Variants in SNTB2 observed in about 807,000 individuals in gnomAD.
The protein encoded by SNTB2 is beta-2-syntrophin.
SNTB2 carries 34 observed loss-of-function variants against 46.2 expected under a neutral mutation model. The ratio of observed to expected loss-of-function variants is 0.74; its 90% CI spans 0.56 to 0.98. The LOEUF is 0.98. SNTB2 is among the 50% of genes least tolerant of loss of function. SNTB2 has a pLI of 0.00. For missense variants in SNTB2, 603 were observed against 731.4 expected (o/e 0.82, Z 2.02); for synonymous variants, 290 against 312.6 (o/e 0.93, Z 0.76).
At chr16:69,293,328 A>G (rs890088123) in intron 5 of SNTB2, among the ~76,000 whole-genome samples, 1 of 152,204 alleles carries the variant, frequency 6.6e-6, no homozygotes, top group Non-Finnish European at 1.5e-5. Flanking sequence ...ATTAGGACAC[A>G]GTAAAAACCT....
intron 3 of SNTB2, among the ~76,000 whole-genome samples, chr16:69,269,317 G>A (rs559183979): frequency 6.6e-6 from 1 of 151,752 alleles, no homozygotes; most frequent in African/African-American, 2.4e-5. Flanking sequence ...AGGAGATCGA[G>A]ACCATCCCGG....
At chr16:69,187,805 CA>C in intron 1 of SNTB2, 59 bp downstream of exon 1, 1 of 1,294,562 alleles carries the variant, frequency 7.7e-7, no homozygotes, top group South Asian at 1.7e-5. Flanking sequence ...CGCGGGAGCT[CA>C]CTTTGTTCCT....
chr16:69,226,375 A>G (rs1964460634), intron 1 of SNTB2, among the ~76,000 whole-genome samples: 1 of 150,652 alleles, frequency 6.6e-6, no homozygotes, highest in Non-Finnish European at 1.5e-5. Flanking sequence ...CCACCCTATG[A>G]TTCTTAAGAG....
chr16:69,252,127 C>T (rs1964733165), intron 2 of SNTB2, among the ~76,000 whole-genome samples: 1 of 152,160 alleles, frequency 6.6e-6, no homozygotes, highest in Non-Finnish European at 1.5e-5. Flanking sequence ...AAAGCCTTCA[C>T]TTTCTAAACC....
chr16:69,237,598 TC>T (rs1964570135), intron 1 of SNTB2, among the ~76,000 whole-genome samples: 1 of 128,002 alleles, frequency 7.8e-6, no homozygotes, highest in African/African-American at 3.4e-5. Flanking sequence ...TTTCTTTCTT[TC>T]TTTCTTTTTT....
chr16:69,302,532 A>G lies in SNTB2; in HGVS notation c.*1608A>G, dbSNP rs1279100164. ...GGCAGGCACAGGGGGAGAAAAGAAG[A>G]GAAAAACACACCTGTGTGCAAAATG... On this transcript the variant is annotated 3_prime_UTR_variant, in exon 7 of 7. Coordinates refer to ENST00000336278, the MANE Select transcript of SNTB2 (RefSeq NM_006750.4). 1 of 152,266 alleles carries G rather than the reference A, an allele frequency of 6.6e-6. No homozygotes were observed. Among genetic ancestry groups the G allele is most frequent in the African/African-American group, 2.4e-5 (1 of 41,444 alleles). The allele number at this position is 152,266 out of a possible 1,614,324, so 9.4% of individuals were successfully genotyped here.
At chr16:69,288,461 C>T (rs976975463) in intron 5 of SNTB2, among the ~76,000 whole-genome samples, 2 of 152,064 alleles carry the variant, frequency 1.3e-5, no homozygotes, top group African/African-American at 2.4e-5. Flanking sequence ...ATCAACTTCC[C>T]TTTAAAGCCA....
intron 4 of SNTB2, among the ~76,000 whole-genome samples, chr16:69,277,048 G>A (rs1161299877): frequency 1.3e-5 from 2 of 152,206 alleles, no homozygotes; most frequent in African/African-American, 4.8e-5. Flanking sequence ...AAAAGCACAT[G>A]TGTGATTGAA....
At chr16:69,231,095 A>G (rs904272418) in intron 1 of SNTB2, 1 of 152,186 alleles carries the variant, frequency 6.6e-6, no homozygotes, top group Non-Finnish European at 1.5e-5. Flanking sequence ...GCTTAGTGAA[A>G]ATGAAATTAA....
intron 5 of SNTB2, among the ~76,000 whole-genome samples, chr16:69,293,154 G>A (rs1231518202): frequency 6.6e-6 from 1 of 152,132 alleles, no homozygotes; most frequent in Non-Finnish European, 1.5e-5. Flanking sequence ...AAGAGTGAAA[G>A]AGAGAGGGCC....
intron 3 of SNTB2, among the ~76,000 whole-genome samples, chr16:69,266,800 TC>T (rs1964890268): frequency 1.3e-5 from 2 of 152,208 alleles, no homozygotes; most frequent in East Asian, 3.9e-4. Context: ...CACTGCAACT[TC>T]CACCTTCTGG....
rs1311335049 is a variant in SNTB2 at position 69,235,689 on chromosome 16, A to G, written c.581-9913A>G. The G allele has an allele frequency of 7.1e-6, 9 of 1,259,402 alleles. No homozygotes were observed. In the East Asian group the frequency reaches 5.2e-4, roughly 73 times the overall value. The allele number at this position is 1,259,402 out of a possible 1,614,324, so 78.0% of individuals were successfully genotyped here. ...CCCTGGCACCAATATGACAGCTTCA[A>G]ACTGCTGTATCCCCAGGGCTAACAA... On this transcript the variant is annotated intron_variant, in intron 1 of 6. Coordinates refer to ENST00000336278, the MANE Select transcript of SNTB2 (RefSeq NM_006750.4).
intron 2 of SNTB2, among the ~76,000 whole-genome samples, chr16:69,249,023 CT>C (rs34530998): frequency 0.22 from 27,205 of 125,724 alleles, 2,656 homozygotes; most frequent in African/African-American, 0.34. Context: ...TCATTTCTTT[CT>C]TTTTTTTTTT....
At chr16:69,277,780 T>A (rs1311813646) in intron 4 of SNTB2, among the ~76,000 whole-genome samples, 1 of 152,238 alleles carries the variant, frequency 6.6e-6, no homozygotes, top group Admixed American at 6.5e-5. Context: ...ACCAAATTTT[T>A]AAAAATCCTG....
chr16:69,204,436 T>C (rs1964194929), intron 1 of SNTB2, among the ~76,000 whole-genome samples: 1 of 152,184 alleles, frequency 6.6e-6, no homozygotes, highest in Admixed American at 6.5e-5. Context: ...AAGAAAAACA[T>C]GTTGAGACAG....
intron 1 of SNTB2, among the ~76,000 whole-genome samples, chr16:69,221,621 C>G (rs1964405847): frequency 6.6e-6 from 1 of 152,064 alleles, no homozygotes; most frequent in Non-Finnish European, 1.5e-5. Flanking sequence ...CCTAAAAATA[C>G]AAAAATTAGC....
rs1597182929 is a variant in SNTB2 at position 69,238,427 on chromosome 16, C to CAT, written c.581-7173_581-7172dup. Among the ~76,000 whole-genome samples the CAT allele has an allele frequency of 2.0e-5, 3 of 152,180 alleles. No homozygotes were observed. In the East Asian group the frequency reaches 5.8e-4, roughly 29 times the overall value. On this transcript the variant is annotated intron_variant, in intron 1 of 6. Transcript: ENST00000336278. ...TTTCCCTGCACTCTGCCCACATCTTCATAAGTTGTCCCTTTATTAAATCCC... is the reference window on the plus strand; with the variant it reads ...TTTCCCTGCACTCTGCCCACATCTTCATATAAGTTGTCCCTTTATTAAATCCC...
At chr16:69,220,307 G>A (rs1418767987) in intron 1 of SNTB2, among the ~76,000 whole-genome samples, 5 of 150,514 alleles carry the variant, frequency 3.3e-5, no homozygotes, top group South Asian at 4.2e-4. Context: ...GACTACAGGC[G>A]CCCGCCACCA....
chr16:69,284,241 C>T lies in SNTB2; in HGVS notation c.1342C>T (p.Leu448=). The part of the protein sequence containing the change: ...AAAELIKEVS[L]GCMLNGQEVR... ...TGCTGAGCTGATCAAGGAAGTCTCT[C>T]TAGGTAGAGATGCTGACTTTTTATT... The change falls in exon 5 of 7, where the codon CTA becomes TTA. Residue 448 remains leucine, a synonymous_variant. Coordinates refer to ENST00000336278, the MANE Select transcript of SNTB2 (RefSeq NM_006750.4). 6.2e-7 allele frequency: 1 copy of T among 1,602,466 alleles called. No homozygotes were observed. Among genetic ancestry groups the T allele is most frequent in the Non-Finnish European group, 8.5e-7 (1 of 1,173,508 alleles).
Sources: allele counts gnomAD v4.1 joint callset (sites outside exome capture counted in the v4.1 genomes callset), GRCh38; gene constraint gnomAD v4.1.1; transcripts MANE v1.5; gene names NCBI Gene and HGNC (gene_info 2026-07-23, HGNC 2026-07-21).